Variants in FRS2 observed in about 807,000 individuals in gnomAD.
The protein encoded by FRS2 is fibroblast growth factor receptor substrate 2, also known as FGFR signalling adaptor.
A neutral mutation model predicts 43.9 loss-of-function variants in FRS2; 8 were observed. The observed-to-expected ratio is 0.18, with a 90% CI of 0.11 to 0.33. The LOEUF (loss-of-function observed/expected upper bound fraction) is 0.33, where lower values mean the gene tolerates loss of function less well. Among genes scored for constraint, FRS2 ranks in the 10% least tolerant of loss-of-function variants. The pLI is 1.00. For missense variants in FRS2, 534 were observed against 627.6 expected (o/e 0.85, Z 1.59); for synonymous variants, 219 against 220.3 (o/e 0.99, Z 0.05).
chr12:69,485,111 A>ACGCGCACG (rs973178570), intron 1 of FRS2, among the ~76,000 whole-genome samples: 2 of 147,100 alleles, frequency 1.4e-5, no homozygotes, highest in South Asian at 2.2e-4. Context: ...ACACACACAC[A>ACGCGCACG]CACACACACA....
intron 1 of FRS2, among the ~76,000 whole-genome samples, chr12:69,516,424 G>A (rs1565739897): frequency 6.6e-6 from 1 of 151,818 alleles, no homozygotes; most frequent in African/African-American, 2.4e-5. Flanking sequence ...CTCCATGTTG[G>A]TCAGGCTGGT....
At chr12:69,533,498 C>T (rs1451401812) in intron 3 of FRS2, among the ~76,000 whole-genome samples, 1 of 152,076 alleles carries the variant, frequency 6.6e-6, no homozygotes, top group Admixed American at 6.5e-5. Flanking sequence ...TACCGGCACG[C>T]ACCACTGTGC....
intron 1 of FRS2, 45 bp downstream of exon 1, chr12:69,470,575 C>A: frequency 2.5e-6 from 1 of 398,150 alleles, no homozygotes; most frequent in South Asian, 1.3e-4. Flanking sequence ...GGGCCCGCGT[C>A]GGAGCTGGCG....
chr12:69,516,835 G>A (rs895282626), intron 1 of FRS2, among the ~76,000 whole-genome samples: 17 of 152,064 alleles, frequency 1.1e-4, no homozygotes, highest in Middle Eastern at 3.4e-3. Context: ...CTTCTATTCT[G>A]CCACTTTTAA....
At chr12:69,543,467 A>G (rs7970658) in intron 3 of FRS2, among the ~76,000 whole-genome samples, 3,885 of 152,220 alleles carry the variant, frequency 0.026, 167 homozygotes, top group African/African-American at 0.088. Context: ...GTCACTATGG[A>G]GTTTACGTTT....
chr12:69,550,162 C>G (rs1878747812), intron 3 of FRS2, among the ~76,000 whole-genome samples: 1 of 152,196 alleles, frequency 6.6e-6, no homozygotes, highest in African/African-American at 2.4e-5. Flanking sequence ...CCTATGTTCC[C>G]TGGCTCAATG....
At chr12:69,559,384 A>T (rs1231253065) in intron 3 of FRS2, among the ~76,000 whole-genome samples, 2 of 152,160 alleles carry the variant, frequency 1.3e-5, no homozygotes, top group South Asian at 2.1e-4. Flanking sequence ...GATTTTTTTC[A>T]AGAGTTAAAA....
intron 3 of FRS2, among the ~76,000 whole-genome samples, chr12:69,555,105 C>T (rs541328948): frequency 2.6e-5 from 4 of 151,788 alleles, no homozygotes; most frequent in African/African-American, 4.8e-5. Context: ...AGTGCAGTGG[C>T]GCAATCTCAG....
Position 69,574,931 on chromosome 12 carries a change from C to T in FRS2, c.1503C>T (p.His501=). The T allele has an allele frequency of 6.2e-7, 1 of 1,608,448 alleles. No individual in the cohort carries two copies. Among genetic ancestry groups the T allele is most frequent in the Non-Finnish European group, 8.5e-7 (1 of 1,174,964 alleles). The part of the protein sequence containing the change: ...RDDGTSRKTR[H]NSTDLPM The stretch of plus-strand genomic sequence containing the variant: ...ATGGTACATCTAGGAAAACTAGACA[C>T]AATAGTACTGATCTGCCCATGTGAG... The change falls in exon 9 of 9, where the codon CAC becomes CAT. Residue 501 remains histidine, a synonymous_variant. Coordinates refer to ENST00000549921, the MANE Select transcript of FRS2 (RefSeq NM_001278356.2).
chr12:69,556,038 C>T (rs1325974561), intron 3 of FRS2, among the ~76,000 whole-genome samples: 2 of 148,416 alleles, frequency 1.3e-5, no homozygotes, highest in East Asian at 2.0e-4. Flanking sequence ...ACATGGTATA[C>T]ACATTTCATG....
In FRS2 at chr12:69,550,453, T is replaced by C. The variant is rs192163859; in HGVS notation, c.-121-11727T>C. Among the ~76,000 whole-genome samples, 410 of 152,316 alleles carry C rather than the reference T, an allele frequency of 2.7e-3. 1 individual carries two copies. Among genetic ancestry groups the C allele is most frequent in the Admixed American group, 4.8e-3 (73 of 15,302 alleles). On this transcript the variant is annotated intron_variant, in intron 3 of 8. Coordinates refer to ENST00000549921, the MANE Select transcript of FRS2 (RefSeq NM_001278356.2). Reference sequence around the variant, plus strand: ...TGAGGAAATACAGATTCAGAGAAGTTAAGTAAGAACTCAGATCTCTCTAGT... The same window carrying C: ...TGAGGAAATACAGATTCAGAGAAGTCAAGTAAGAACTCAGATCTCTCTAGT...
intron 1 of FRS2, among the ~76,000 whole-genome samples, chr12:69,498,518 T>TG (rs1485005108): frequency 1.2e-3 from 161 of 134,626 alleles, no homozygotes; most frequent in South Asian, 2.8e-3. Context: ...ATTATGAGGG[T>TG]TTGTGTGTGT....
intron 3 of FRS2, among the ~76,000 whole-genome samples, chr12:69,545,072 GAATAA>G (rs1397536987): frequency 6.6e-6 from 1 of 151,910 alleles, no homozygotes; most frequent in Non-Finnish European, 1.5e-5. Flanking sequence ...GCATCAAAAA[GAATAA>G]AATACAAATA....
chr12:69,540,545 A>G (rs1468079397), intron 3 of FRS2, among the ~76,000 whole-genome samples: 1 of 152,244 alleles, frequency 6.6e-6, no homozygotes, highest in East Asian at 1.9e-4. Context: ...TAAATGATTG[A>G]ATAAATGAAT....
At chr12:69,503,694 AGTT>A (rs1483243874) in intron 1 of FRS2, among the ~76,000 whole-genome samples, 2 of 152,088 alleles carry the variant, frequency 1.3e-5, no homozygotes, top group East Asian at 3.9e-4. Context: ...GAACTGCTGA[AGTT>A]GTGAAATAGT....
At chr12:69,571,170 T>C (rs2135810622) in intron 6 of FRS2, 106 bp from the exon 7 acceptor site, 2 of 637,842 alleles carry the variant, frequency 3.1e-6, no homozygotes, top group East Asian at 5.8e-5. Context: ...GATTTCTGAC[T>C]CGGTGCGTAG....
intron 1 of FRS2, among the ~76,000 whole-genome samples, chr12:69,512,242 G>A (rs1372961520): frequency 6.6e-6 from 1 of 152,072 alleles, no homozygotes; most frequent in Non-Finnish European, 1.5e-5. Context: ...TTTTGGCGGG[G>A]GAGGGGAATA....
intron 3 of FRS2, among the ~76,000 whole-genome samples, chr12:69,546,406 C>T (rs1481393934): frequency 6.6e-6 from 1 of 151,944 alleles, no homozygotes; most frequent in Non-Finnish European, 1.5e-5. Flanking sequence ...TATAGGTGTG[C>T]ACCACCACAC....
intron 1 of FRS2, among the ~76,000 whole-genome samples, chr12:69,493,098 G>T (rs912579761): frequency 2.6e-5 from 4 of 152,288 alleles, no homozygotes; most frequent in African/African-American, 7.2e-5. Flanking sequence ...TTAAAACTCC[G>T]CTGACATTTG....
Sources: allele counts gnomAD v4.1 joint callset (sites outside exome capture counted in the v4.1 genomes callset), GRCh38; gene constraint gnomAD v4.1.1; transcripts MANE v1.5; gene names NCBI Gene and HGNC (gene_info 2026-07-23, HGNC 2026-07-21).